The following CFAP99 variants were observed in gnomAD, a reference collection of about 807,000 sequenced individuals.
CFAP99 encodes cilia and flagella associated protein 99, also known as cilia- and flagella-associated protein 99.
In CFAP99, 84 loss-of-function variants were observed where a neutral mutation model predicts 82.7. The observed-to-expected ratio is 1.02, with a 90% CI of 0.85 to 1.22. The LOEUF is 1.22. CFAP99 is among the 50% of genes most tolerant of loss of function. The pLI, the probability that CFAP99 is intolerant of heterozygous loss-of-function variation, is 0.00. For synonymous variants in CFAP99, 456 were observed against 429.5 expected (o/e 1.06, Z -0.76); for missense variants, 1,059 against 983.5 (o/e 1.08, Z -1.03).
intron 1 of CFAP99, among the ~76,000 whole-genome samples, chr4:2,421,669 G>T (rs1190278638): frequency 1.3e-5 from 2 of 152,038 alleles, no homozygotes; most frequent in East Asian, 3.9e-4. Flanking sequence ...CACCTTTAAA[G>T]TTGCCTTAAA....
chr4:2,447,713 G>A (rs1734201440), intron 6 of CFAP99, among the ~76,000 whole-genome samples: 1 of 149,270 alleles, frequency 6.7e-6, no homozygotes, highest in African/African-American at 2.5e-5. Context: ...TGGATGGGTG[G>A]GTGGGTGAGT....
intron 2 of CFAP99, among the ~76,000 whole-genome samples, chr4:2,436,541 C>T (rs1385478612): frequency 1.3e-5 from 2 of 152,352 alleles, no homozygotes; most frequent in East Asian, 3.9e-4. Flanking sequence ...CTCATGCCCG[C>T]TGGCCCCTGG....
chr4:2,453,864 A>G (rs1734363306), intron 11 of CFAP99, among the ~76,000 whole-genome samples: 2 of 149,434 alleles, frequency 1.3e-5, no homozygotes, highest in East Asian at 3.9e-4. Context: ...CCCAGGCTGG[A>G]GTGCGGTGGT....
chr4:2,434,048 C>T (rs1283947224), intron 2 of CFAP99, among the ~76,000 whole-genome samples: 1 of 152,120 alleles, frequency 6.6e-6, no homozygotes, highest in Non-Finnish European at 1.5e-5. Context: ...GGTCCCCCAG[C>T]CGAAGGGCCA....
intron 8 of CFAP99, 27 bp downstream of exon 8, chr4:2,450,032 TCATCGAGGTGC>T (rs1734266552): frequency 6.5e-6 from 10 of 1,533,134 alleles, no homozygotes; most frequent in Middle Eastern, 3.3e-4. Context: ...TCAAGACCCA[TCATCGAGGTGC>T]CATCTTCTCA....
chr4:2,458,566 G>A (rs376003130), intron 11 of CFAP99, among the ~76,000 whole-genome samples, 157 bp from the exon 12 acceptor site: 27 of 152,348 alleles, frequency 1.8e-4, no homozygotes, highest in African/African-American at 2.2e-4. Flanking sequence ...CCAGAGCACC[G>A]CCAGGAGTGA....
chr4:2,439,314 G>A (rs564831556), intron 4 of CFAP99, among the ~76,000 whole-genome samples: 4 of 152,206 alleles, frequency 2.6e-5, no homozygotes, highest in Non-Finnish European at 5.9e-5. Context: ...CCACTGGCTT[G>A]CTCCTCCTTA....
Position 2,454,755 on chromosome 4 carries a change from G to A in CFAP99, c.1161+2409G>A, listed in dbSNP as rs189087623. The stretch of plus-strand genomic sequence containing the variant: ...TCCTGCCTCAGCCTCCTGCGTAGCC[G>A]GGACCACAGATGCACACCACCATGT... On this transcript the variant is annotated intron_variant, in intron 11 of 14. Transcript: ENST00000635017. Among the ~76,000 whole-genome samples the A allele has an allele frequency of 7.3e-5, 11 of 151,158 alleles. No individual in the cohort carries two copies. The East Asian group carries it at 1.8e-3, about 24-fold the overall frequency.
chr4:2,437,103 G>C (rs1055568214), intron 3 of CFAP99, 85 bp downstream of exon 3: 3 of 1,466,026 alleles, frequency 2.0e-6, no homozygotes, highest in East Asian at 2.5e-5. Context: ...GGCAGGCAGC[G>C]GGCAGGCGGG....
intron 11 of CFAP99, among the ~76,000 whole-genome samples, chr4:2,456,082 GAC>G (rs1406067967): frequency 6.6e-6 from 1 of 152,184 alleles, no homozygotes; most frequent in Non-Finnish European, 1.5e-5. Flanking sequence ...CTCTGCTTAA[GAC>G]ACAGACTCAG....
At chr4:2,426,437 G>T in intron 1 of CFAP99, 22 bp from the exon 2 acceptor site, 2 of 1,453,834 alleles carry the variant, frequency 1.4e-6, no homozygotes, top group South Asian at 2.4e-5. Context: ...TGGAGGGCGT[G>T]ACCTGCACGG....
At chr4:2,447,520 AATGGATAG>A (rs920854161) in intron 6 of CFAP99, among the ~76,000 whole-genome samples, 4 of 147,214 alleles carry the variant, frequency 2.7e-5, no homozygotes, top group South Asian at 2.2e-4. Flanking sequence ...TGGATGGATT[AATGGATAG>A]ATGGATAGAT....
chr4:2,429,782 G>A (rs1423294868), intron 2 of CFAP99, among the ~76,000 whole-genome samples: 1 of 152,058 alleles, frequency 6.6e-6, no homozygotes, highest in Non-Finnish European at 1.5e-5. Flanking sequence ...TAGTAGAGAC[G>A]GGGTTTCACT....
rs1734642720 is a variant in CFAP99 at position 2,462,449 on chromosome 4, GGAA to G, written c.1669_1671del (p.Glu557del). The G allele has an allele frequency of 2.7e-6, 4 of 1,454,956 alleles. No homozygotes were observed. Among genetic ancestry groups the G allele is most frequent in the Middle Eastern group, 2.4e-4 (1 of 4,100 alleles). The allele number at this position is 1,454,956 out of a possible 1,614,324, so 90.1% of individuals were successfully genotyped here. ...CCGCCGCGTCGCCCGCCAGGTGGGAGGAAAAGAAGGCCCTTGCGGCGGCCCCGG... is the reference window on the plus strand; with the variant it reads ...CCGCCGCGTCGCCCGCCAGGTGGGAGAAGAAGGCCCTTGCGGCGGCCCCGG... On this transcript the variant is annotated inframe_deletion, in exon 15 of 15. Transcript: ENST00000635017. This position sits in a 1 kb window ranked among gnomAD's most constrained non-coding sequence, Gnocchi z 4.1.
At chr4:2,436,755 A>G in intron 2 of CFAP99, 119 bp from the exon 3 acceptor site, 1 of 789,740 alleles carries the variant, frequency 1.3e-6, no homozygotes. Context: ...GGCCCCACTA[A>G]CAGGCCCTTT....
chr4:2,462,771 G>C lies in CFAP99; in HGVS notation c.1990G>C (p.Gly664Arg). The change falls in exon 15 of 15, where the codon GGC becomes CGC. Residue 664 changes from glycine to arginine, a missense_variant. By Grantham distance (125) the Gly-to-Arg change is moderately radical. Transcript: ENST00000635017. The surrounding 1 kb of genome is among the most constrained non-coding windows in gnomAD (Gnocchi z 4.1). ...AGCGGCGGGCGCGGGAGGCGGTGGG[G>C]GCGTCCCTGCCCGCGCCGACGCGTT... 7.9e-7 allele frequency: 1 copy of C among 1,261,246 alleles called. No homozygotes were observed. The highest frequency in any genetic ancestry group is 1.0e-6 in the Non-Finnish European group (1 of 1,002,532). The allele number at this position is 1,261,246 out of a possible 1,614,324, so 78.1% of individuals were successfully genotyped here. A position where few individuals can be genotyped will look rare whatever the true frequency, so the allele number is the denominator to read the frequency against.
At position 2,426,603 on chromosome 4, in the gene CFAP99, G is replaced by T; in HGVS notation, c.111+17G>T. On this transcript the variant is annotated intron_variant, in intron 2 of 14. Coordinates refer to ENST00000635017, the Ensembl canonical transcript of CFAP99. ...TCCCTGCAGGTAGGATCTGCTGGGGGCTGCTGGGAGGCCACGCCAATGGCA... is the reference window on the plus strand; with the variant it reads ...TCCCTGCAGGTAGGATCTGCTGGGGTCTGCTGGGAGGCCACGCCAATGGCA... The T allele has an allele frequency of 6.6e-7, 1 of 1,504,486 alleles. No homozygotes were observed. Among genetic ancestry groups the T allele is most frequent in the Non-Finnish European group, 8.9e-7 (1 of 1,118,184 alleles). The allele number at this position is 1,504,486 out of a possible 1,614,324, so 93.2% of individuals were successfully genotyped here. A position where few individuals can be genotyped will look rare whatever the true frequency, so the allele number is the denominator to read the frequency against.
At chr4:2,458,274 G>C (rs963889136) in intron 11 of CFAP99, among the ~76,000 whole-genome samples, 1 of 152,178 alleles carries the variant, frequency 6.6e-6, no homozygotes, top group Non-Finnish European at 1.5e-5. Context: ...AGTTTTTAAA[G>C]AAACTTTTAA....
exon 4 of CFAP99, chr4:2,438,130 T>C: frequency 6.5e-7 from 1 of 1,535,598 alleles, no homozygotes; most frequent in Non-Finnish European, 8.7e-7. Flanking sequence ...TTCTGTAACA[T>C]CATCAAGTCC....
Sources: allele counts gnomAD v4.1 joint callset (sites outside exome capture counted in the v4.1 genomes callset), GRCh38; gene constraint gnomAD v4.1.1; non-coding constraint Gnocchi (gnomAD v3.1); transcripts MANE v1.5; gene names NCBI Gene and HGNC (gene_info 2026-07-23, HGNC 2026-07-21).